PRICKLE4: variants seen among roughly 807,000 people sequenced by gnomAD.
The protein encoded by PRICKLE4 is prickle-like protein 4.
PRICKLE4 carries 40 observed loss-of-function variants against 43.5 expected under a neutral mutation model. The observed-to-expected ratio is 0.92, with a 90% CI of 0.71 to 1.20. PRICKLE4 has a LOEUF of 1.20. Among genes scored for constraint, PRICKLE4 ranks in the 50% most tolerant of loss-of-function variants. The pLI, the probability that PRICKLE4 is intolerant of heterozygous loss-of-function variation, is 0.00. For synonymous variants in PRICKLE4, 208 were observed against 197.4 expected (o/e 1.05, Z -0.45); for missense variants, 527 against 491.2 (o/e 1.07, Z -0.69).
At position 41,787,029 on chromosome 6, in the gene PRICKLE4, G is replaced by C; in HGVS notation, c.1055G>C (p.Gly352Ala). ...CSSSSDSEPE[G>A]FFLGERLPQS... ...TCCTCCTCTGACTCGGAACCTGAAG[G>C]ATTTTTCTTAGGCGAGCGCCTTCCC... Residue 352 changes from glycine (G) to alanine (A), a missense_variant, in exon 8 of 8, where the codon GGA becomes GCA. Physicochemically the swap from Gly to Ala is moderately conservative, Grantham distance 60 (BLOSUM62 0). Coordinates refer to ENST00000458694, the MANE Select transcript of PRICKLE4 (RefSeq NM_013397.6). The C allele has an allele frequency of 6.2e-7, 1 of 1,614,020 alleles. No homozygotes were observed. Among genetic ancestry groups the C allele is most frequent in the Non-Finnish European group, 8.5e-7 (1 of 1,180,004 alleles).
In PRICKLE4 at chr6:41,786,177, A is replaced by G. The variant is rs145966346; in HGVS notation, c.632A>G (p.Glu211Gly). Reference protein sequence around the residue: ...CTEAEGQRWHENHFCCQDCAG... With the variant: ...CTEAEGQRWHGNHFCCQDCAG... ...GAGGCGGAGGGACAGCGCTGGCATG[A>G]GAACCACTTCTGTTGCCAGGACTGC... Residue 211 changes from glutamate to glycine, a missense_variant, in exon 7 of 8, where the codon GAG becomes GGG. Physicochemically the swap from Glu to Gly is moderately conservative, Grantham distance 98. Coordinates refer to ENST00000458694, the MANE Select transcript of PRICKLE4 (RefSeq NM_013397.6). 6.6e-4 allele frequency: 1,057 copies of G among 1,613,206 alleles called. No individual in the cohort carries two copies. The highest frequency in any genetic ancestry group is 8.4e-4 in the Non-Finnish European group (994 of 1,179,586).
chr6:41,787,094 A>G lies in PRICKLE4; in HGVS notation c.1120A>G (p.Ser374Gly). ...CCCCGGAAGCCTCCAAGCAGAGGACAGCAACGCCTCTAAGACGCACTGCAC... is the reference window on the plus strand; with the variant it reads ...CCCCGGAAGCCTCCAAGCAGAGGACGGCAACGCCTCTAAGACGCACTGCAC... The part of the protein sequence containing the change: ...KTPGSLQAED[S>G]NASKTHCTMC The change falls in exon 8 of 8, where the codon AGC (serine) becomes GGC (glycine). Residue 374 changes from serine (S) to glycine (G), a missense_variant. Transcript: ENST00000458694. 6.2e-7 allele frequency: 1 copy of G among 1,611,128 alleles called. No homozygotes were observed.
In PRICKLE4 at chr6:41,786,325, A is replaced by G. The variant is rs1244715949; in HGVS notation, c.780A>G (p.Ala260=). ...SSWAGALEGQ[A]FLGETGLDRT... is the part of the protein sequence containing the mutation. ...GGGCCGGGGCACTGGAAGGGCAGGCATTCCTTGGTAAGGGAGAGGATGCAG... is the reference window on the plus strand; with the variant it reads ...GGGCCGGGGCACTGGAAGGGCAGGCGTTCCTTGGTAAGGGAGAGGATGCAG... Residue 260 remains alanine, a synonymous_variant, in exon 7 of 8, where the codon GCA becomes GCG. Coordinates refer to ENST00000458694, the MANE Select transcript of PRICKLE4 (RefSeq NM_013397.6). The G allele has an allele frequency of 1.3e-6, 2 of 1,560,874 alleles. No homozygotes were observed. Among genetic ancestry groups the G allele is most frequent in the Admixed American group, 1.8e-5 (1 of 55,752 alleles).
chr6:41,787,448 C>T lies in PRICKLE4; in HGVS notation c.*319C>T, dbSNP rs1772686621. 3.2e-6 allele frequency: 2 copies of T among 623,660 alleles called. No homozygotes were observed. Among genetic ancestry groups the T allele is most frequent in the Non-Finnish European group, 5.5e-6 (2 of 365,894 alleles). 38.6% of individuals were successfully genotyped at this position (623,660 alleles called of 1,614,324 possible). ...AAGCCAATTAAATGATCACAGCACG[C>T]GTGACAGTTACCGGCTGGAGAGCCG... On this transcript the variant is annotated 3_prime_UTR_variant, in exon 8 of 8. Coordinates refer to ENST00000458694, the MANE Select transcript of PRICKLE4 (RefSeq NM_013397.6).
Position 41,787,118 on chromosome 6 carries a change from A to T in PRICKLE4, c.1144A>T (p.Thr382Ser). The change falls in exon 8 of 8, where the codon ACC (threonine) becomes TCC (serine). Residue 382 changes from threonine (T) to serine (S), a missense_variant. Coordinates refer to ENST00000458694, the MANE Select transcript of PRICKLE4 (RefSeq NM_013397.6). ...EDSNASKTHCTMC is the reference protein window; with the variant it reads ...EDSNASKTHCSMC Reference sequence around the variant, plus strand: ...CAGCAACGCCTCTAAGACGCACTGCACCATGTGCTAGTGGCGCAGCTCAGA... The same window carrying T: ...CAGCAACGCCTCTAAGACGCACTGCTCCATGTGCTAGTGGCGCAGCTCAGA... 1 of 1,604,052 alleles carries T rather than the reference A, an allele frequency of 6.2e-7. No individual in the cohort carries two copies. The highest frequency in any genetic ancestry group is 1.1e-5 in the South Asian group (1 of 90,768).
intron 2 of PRICKLE4, among the ~76,000 whole-genome samples, chr6:41,782,949 C>CA (rs150810746): frequency 0.021 from 3,137 of 152,192 alleles, 44 homozygotes; most frequent in South Asian, 0.044. Flanking sequence ...GGTGTGGTCA[C>CA]AGAGGCTGAG....
Position 41,786,358 on chromosome 6 carries a change from C to T in PRICKLE4, c.787+26C>T, listed in dbSNP as rs1772648102. ...GTAAGGGAGAGGATGCAGAGCAAAG[C>T]GGGAGGGAGCTTGGGCTGGGCTGTG... is the stretch of plus-strand genomic sequence containing the variant. On this transcript the variant is annotated intron_variant, in intron 7 of 7. Coordinates refer to ENST00000458694, the MANE Select transcript of PRICKLE4 (RefSeq NM_013397.6). 3.2e-6 allele frequency: 5 copies of T among 1,543,580 alleles called. No individual in the cohort carries two copies. In the Admixed American group the frequency reaches 5.6e-5, roughly 17 times the overall value.
intron 7 of PRICKLE4, 107 bp from the exon 8 acceptor site, chr6:41,786,655 G>A (rs769902695): frequency 1.3e-6 from 2 of 1,561,498 alleles, no homozygotes; most frequent in African/African-American, 1.4e-5. Context: ...GGCGCGCACG[G>A]CCCAGGGGCT....
chr6:41,783,894 G>A (rs1772595553), intron 3 of PRICKLE4: 2 of 725,880 alleles, frequency 2.8e-6, no homozygotes, highest in African/African-American at 1.7e-5. Flanking sequence ...AGCATAAGAA[G>A]GGAAGCTGTT....
intron 2 of PRICKLE4, 150 bp from the exon 3 acceptor site, chr6:41,783,312 A>G: frequency 1.3e-6 from 1 of 778,268 alleles, no homozygotes; most frequent in Non-Finnish European, 1.9e-6. Flanking sequence ...TCTGATCCTC[A>G]GTTGGGCCAT....
chr6:41,785,684 G>A, intron 6 of PRICKLE4, 144 bp downstream of exon 6: 2 of 885,530 alleles, frequency 2.3e-6, no homozygotes, highest in Non-Finnish European at 1.7e-6. Flanking sequence ...CAAGTTCCCT[G>A]TGTTCTGACT....
intron 2 of PRICKLE4, among the ~76,000 whole-genome samples, chr6:41,782,172 A>G (rs1353753250): frequency 6.9e-6 from 1 of 145,068 alleles, no homozygotes; most frequent in Non-Finnish European, 1.5e-5. Context: ...GGTAGGTTGG[A>G]GCGATTCTCC....
Position 41,786,113 on chromosome 6 carries a change from C to T in PRICKLE4, c.583-15C>T, listed in dbSNP as rs1360985058. 1.2e-6 allele frequency: 2 copies of T among 1,610,044 alleles called. No individual in the cohort carries two copies. The highest frequency in any genetic ancestry group is 1.3e-5 in the African/African-American group (1 of 74,866). ...GAATGAATGAAACGTTCCCCTCTCCCTCTCCCTCTCCCAGCTGATCTTCTC... is the reference window on the plus strand; with the variant it reads ...GAATGAATGAAACGTTCCCCTCTCCTTCTCCCTCTCCCAGCTGATCTTCTC... On this transcript the variant is annotated splice_polypyrimidine_tract_variant and intron_variant, in intron 6 of 7. Transcript: ENST00000458694.
In PRICKLE4 at chr6:41,786,111, C is replaced by T. The variant is rs189085404; in HGVS notation, c.583-17C>T. 2 of 1,608,534 alleles carry T rather than the reference C, an allele frequency of 1.2e-6. No homozygotes were observed. The highest frequency in any genetic ancestry group is 2.2e-5 in the East Asian group (1 of 44,866). On this transcript the variant is annotated splice_polypyrimidine_tract_variant and intron_variant, in intron 6 of 7. Coordinates refer to ENST00000458694, the MANE Select transcript of PRICKLE4 (RefSeq NM_013397.6). ...ATGAATGAATGAAACGTTCCCCTCT[C>T]CCTCTCCCTCTCCCAGCTGATCTTC...
intron 3 of PRICKLE4, 156 bp from the exon 4 acceptor site, chr6:41,783,975 C>G: frequency 1.5e-6 from 1 of 677,140 alleles, no homozygotes; most frequent in Admixed American, 2.5e-5. Flanking sequence ...GCTATCCTTG[C>G]ACTCAGTGAG....
chr6:41,786,788 G>A lies in PRICKLE4; in HGVS notation c.814G>A (p.Gly272Arg), dbSNP rs1296602806. 1.9e-6 allele frequency: 3 copies of A among 1,611,980 alleles called. No homozygotes were observed. Among genetic ancestry groups the A allele is most frequent in the African/African-American group, 1.3e-5 (1 of 74,940 alleles). The change falls in exon 8 of 8, where the codon GGA becomes AGA. Residue 272 changes from glycine (G) to arginine (R), a missense_variant. Physicochemically the swap from Gly to Arg is moderately radical, Grantham distance 125. Transcript: ENST00000458694. ...LGETGLDRTE[G>R]RDQTSVNSAT... The stretch of plus-strand genomic sequence containing the variant: ...GGAGACTGGACTCGACCGAACTGAA[G>A]GAAGGGACCAAACCTCGGTGAACTC...
In PRICKLE4 at chr6:41,786,533, C is replaced by T. The variant is rs1162075943; in HGVS notation, c.787+201C>T. 5 of 998,646 alleles carry T rather than the reference C, an allele frequency of 5.0e-6. No homozygotes were observed. The East Asian group carries it at 1.2e-4, about 23-fold the overall frequency. The allele number at this position is 998,646 out of a possible 1,614,324, so 61.9% of individuals were successfully genotyped here. A position where few individuals can be genotyped will look rare whatever the true frequency, so the allele number is the denominator to read the frequency against. On this transcript the variant is annotated intron_variant, in intron 7 of 7. Transcript: ENST00000458694. ...GGAGCGTTCCAAGGGCCGCCCGAACCCACCCCGCGCCGCGGTCGGGGTTGC... is the reference window on the plus strand; with the variant it reads ...GGAGCGTTCCAAGGGCCGCCCGAACTCACCCCGCGCCGCGGTCGGGGTTGC...
rs1027955321 is a variant in PRICKLE4, at chr6:41,783,447, A to C, written c.-12-15A>C. 6.8e-7 allele frequency: 1 copy of C among 1,465,776 alleles called. No homozygotes were observed. The highest frequency in any genetic ancestry group is 1.4e-5 in the African/African-American group (1 of 70,100). 90.8% of individuals were successfully genotyped at this position (1,465,776 alleles called of 1,614,324 possible). ...CGGCCTAATACATGGAGGTGTTCTTATTGTTTTGGGGTAGGCTTTGCCACA... is the reference window on the plus strand; with the variant it reads ...CGGCCTAATACATGGAGGTGTTCTTCTTGTTTTGGGGTAGGCTTTGCCACA... On this transcript the variant is annotated splice_polypyrimidine_tract_variant and intron_variant, in intron 2 of 7. Coordinates refer to ENST00000458694, the MANE Select transcript of PRICKLE4 (RefSeq NM_013397.6).
At chr6:41,784,663 A>T (rs574713463) in intron 4 of PRICKLE4, 1 of 530,972 alleles carries the variant, frequency 1.9e-6, no homozygotes, top group South Asian at 2.4e-5. Context: ...CTCTTAGCTC[A>T]TTGGGAACAA....
Sources: gnomAD v4.1 joint callset for allele counts (sites outside exome capture counted in the v4.1 genomes callset) on GRCh38, gnomAD v4.1.1 for gene constraint, MANE v1.5 for transcripts, NCBI Gene and HGNC (gene_info 2026-07-23, HGNC 2026-07-21) for gene names.